Variants in ATXN1 observed in about 807,000 individuals in gnomAD.
ATXN1 encodes the protein ataxin-1.
ATXN1 carries 8 observed loss-of-function variants against 56.4 expected under a neutral mutation model. The observed-to-expected ratio is 0.14, with a 90% CI of 0.08 to 0.26. ATXN1 has a LOEUF of 0.26. ATXN1 is among the 10% of genes least tolerant of loss of function. The pLI, the probability that ATXN1 is intolerant of heterozygous loss-of-function variation, is 1.00. For synonymous variants in ATXN1, 514 were observed against 494.6 expected, an observed-to-expected ratio of 1.04 and a Z score of -0.52; for missense variants, 987 against 1,106.5, an observed-to-expected ratio of 0.89 and a Z score of 1.53.
intron 6 of ATXN1, among the ~76,000 whole-genome samples, chr6:16,374,956 C>A (rs1762113899): frequency 6.6e-6 from 1 of 152,360 alleles, no homozygotes; most frequent in East Asian, 1.9e-4. Flanking sequence ...GTCTGACTGA[C>A]TTTGCGGCAG....
At chr6:16,605,120 T>C (rs1245534301) in intron 3 of ATXN1, among the ~76,000 whole-genome samples, 1 of 152,214 alleles carries the variant, frequency 6.6e-6, no homozygotes. Context: ...TTACGTGAAC[T>C]GCTTCCACTA....
chr6:16,658,783 C>T (rs141886937), intron 2 of ATXN1, among the ~76,000 whole-genome samples: 16 of 152,338 alleles, frequency 1.1e-4, no homozygotes, highest in Middle Eastern at 3.4e-3. Flanking sequence ...CTTTTATGAG[C>T]TCATCCTCAT....
At chr6:16,433,346 G>A (rs556975664) in intron 6 of ATXN1, among the ~76,000 whole-genome samples, 42 of 152,286 alleles carry the variant, frequency 2.8e-4, no homozygotes, top group African/African-American at 9.9e-4. Context: ...AGCACAATTA[G>A]CTGATACCTC....
At position 16,441,979 on chromosome 6, in the gene ATXN1, T is replaced by C. The variant is rs187765983; in HGVS notation, c.-161+43993A>G. On this transcript the variant is annotated intron_variant, in intron 6 of 7. Coordinates refer to ENST00000436367, the MANE Select transcript of ATXN1 (RefSeq NM_001128164.2). ...TTAAAATCGTGACTGAAGCACAAAT[T>C]CTAGAAGTAGAAAAAGATTTGAAAC... Among the ~76,000 whole-genome samples the C allele has an allele frequency of 3.1e-4, 47 of 152,180 alleles. 1 individual carries two copies. Among genetic ancestry groups the C allele is most frequent in the African/African-American group, 8.9e-4 (37 of 41,530 alleles).
rs1759229261 is a variant in ATXN1, at chr6:16,699,122, T to C, written c.-614-41221A>G. 2.6e-5 allele frequency among the ~76,000 whole-genome samples: 4 copies of C among 152,240 alleles called. No homozygotes were observed. In the South Asian group the frequency reaches 8.3e-4, roughly 32 times the overall value. On this transcript the variant is annotated intron_variant, in intron 2 of 7. Coordinates refer to ENST00000436367, the MANE Select transcript of ATXN1 (RefSeq NM_001128164.2). Reference sequence around the variant, plus strand: ...AATGTGGGGCTACAGTTCATCTGTATGTGCCAGCATGTTACTTTCAAGGGT... The same window carrying C: ...AATGTGGGGCTACAGTTCATCTGTACGTGCCAGCATGTTACTTTCAAGGGT...
intron 6 of ATXN1, among the ~76,000 whole-genome samples, chr6:16,418,477 C>G (rs1758960990): frequency 6.6e-6 from 1 of 152,138 alleles, no homozygotes; most frequent in South Asian, 2.1e-4. Context: ...TGGCACATGT[C>G]AAATCAAAGA....
At chr6:16,567,358 A>G (rs1423971212) in intron 4 of ATXN1, among the ~76,000 whole-genome samples, 2 of 152,204 alleles carry the variant, frequency 1.3e-5, no homozygotes, top group African/African-American at 4.8e-5. Flanking sequence ...GAAGGGAAAG[A>G]CCATTAAACA....
At position 16,617,117 on chromosome 6, in the gene ATXN1, G is replaced by A. The variant is rs192128188; in HGVS notation, c.-488-31210C>T. 3.3e-3 allele frequency among the ~76,000 whole-genome samples: 507 copies of A among 152,106 alleles called. 6 individuals are homozygous for A. The highest frequency in any genetic ancestry group is 3.3e-3 in the African/African-American group (135 of 41,488). ...GTATGGAACATGCCCCCAGTTGATC[G>A]GGGGGACTACTGTATAAGGAAAATA... On this transcript the variant is annotated intron_variant, in intron 3 of 7. Transcript: ENST00000436367.
At chr6:16,685,242 C>CTTT (rs1412998314) in intron 2 of ATXN1, among the ~76,000 whole-genome samples, 1 of 152,170 alleles carries the variant, frequency 6.6e-6, no homozygotes, top group African/African-American at 2.4e-5. Flanking sequence ...ACACACTGAT[C>CTTT]ATAAAGCAAT....
intron 4 of ATXN1, among the ~76,000 whole-genome samples, chr6:16,571,543 G>A (rs1246618737): frequency 6.6e-6 from 1 of 151,940 alleles, no homozygotes; most frequent in Admixed American, 6.6e-5. Context: ...CCAGACTGGT[G>A]TGCAGTGGTG....
intron 2 of ATXN1, among the ~76,000 whole-genome samples, chr6:16,740,200 T>C (rs1039631057): frequency 6.6e-6 from 1 of 152,330 alleles, no homozygotes; most frequent in South Asian, 2.1e-4. Flanking sequence ...GGCTTCATAA[T>C]AGTTATTGCT....
rs373830017 is a variant in ATXN1, at chr6:16,605,643, T to C, written c.-488-19736A>G. Among the ~76,000 whole-genome samples, 67 of 152,318 alleles carry C rather than the reference T, an allele frequency of 4.4e-4. No homozygotes were observed. The South Asian group carries it at 8.5e-3, about 19-fold the overall frequency. On this transcript the variant is annotated intron_variant, in intron 3 of 7. Coordinates refer to ENST00000436367, the MANE Select transcript of ATXN1 (RefSeq NM_001128164.2). ...TCTTGGTTAAGCAACTTTTGGATCA[T>C]ATGATACTTAGAAGAACTACCATCT...
At chr6:16,542,940 C>T (rs933706892) in intron 4 of ATXN1, among the ~76,000 whole-genome samples, 8 of 151,996 alleles carry the variant, frequency 5.3e-5, no homozygotes, top group African/African-American at 1.7e-4. Context: ...TATTGCATGG[C>T]ACTCACCTGT....
At chr6:16,404,576 G>T (rs1366718252) in intron 6 of ATXN1, among the ~76,000 whole-genome samples, 1 of 152,198 alleles carries the variant, frequency 6.6e-6, no homozygotes, top group Non-Finnish European at 1.5e-5. Flanking sequence ...TCAGCTTCCT[G>T]CTCGACTTTT....
intron 6 of ATXN1, among the ~76,000 whole-genome samples, chr6:16,428,671 A>G (rs1017525827): frequency 1.3e-5 from 2 of 152,084 alleles, no homozygotes; most frequent in African/African-American, 4.8e-5. Flanking sequence ...TTACAGCACA[A>G]GCTGATGCCA....
chr6:16,688,339 G>C (rs1362936846), intron 2 of ATXN1, among the ~76,000 whole-genome samples: 1 of 152,180 alleles, frequency 6.6e-6, no homozygotes, highest in Non-Finnish European at 1.5e-5. Flanking sequence ...AGTAAATGAA[G>C]AAACAATAGT....
At chr6:16,360,299 T>C (rs1044170870) in intron 6 of ATXN1, among the ~76,000 whole-genome samples, 1 of 152,218 alleles carries the variant, frequency 6.6e-6, no homozygotes, top group Non-Finnish European at 1.5e-5. Context: ...AACAGCTCTA[T>C]AGTCCTATTT....
rs533699246 is a variant in ATXN1 at position 16,359,665 on chromosome 6, C to G, written c.-160-31195G>C. On this transcript the variant is annotated intron_variant, in intron 6 of 7. Transcript: ENST00000436367. ...CGATCTGCTTATAGAGAGGAGCTCC[C>G]CACTCCTCCGAGTTGTTCTAACACT... Among the ~76,000 whole-genome samples, 17 of 152,226 alleles carry G rather than the reference C, an allele frequency of 1.1e-4. No individual in the cohort carries two copies. The South Asian group carries it at 1.5e-3, about 13-fold the overall frequency.
intron 6 of ATXN1, among the ~76,000 whole-genome samples, chr6:16,390,859 T>C (rs1218152594): frequency 4.0e-5 from 6 of 151,736 alleles, no homozygotes; most frequent in Non-Finnish European, 8.8e-5. Flanking sequence ...CCCAGGAAAA[T>C]TGTCAAAGAT....
Sources: allele counts gnomAD v4.1 joint callset (sites outside exome capture counted in the v4.1 genomes callset), GRCh38; gene constraint gnomAD v4.1.1; transcripts MANE v1.5; gene names NCBI Gene and HGNC (gene_info 2026-07-23, HGNC 2026-07-21).